Variants in PLD1 observed in about 807,000 individuals in gnomAD.
PLD1 encodes choline phosphatase 1.
Under a neutral mutation model 137.1 loss-of-function variants are expected in PLD1, and 112 were observed. That is an observed-to-expected ratio of 0.82 (90% CI 0.70 to 0.96). The LOEUF is 0.96. Among genes scored for constraint, PLD1 ranks in the 40% least tolerant of loss-of-function variants. The pLI is 0.00. For synonymous variants in PLD1, 431 were observed against 454.7 expected, an observed-to-expected ratio of 0.95 and a Z score of 0.66; for missense variants, 1,321 against 1,342.0, an observed-to-expected ratio of 0.98 and a Z score of 0.24.
intron 24 of PLD1, among the ~76,000 whole-genome samples, chr3:171,620,163 T>G (rs139646487): frequency 2.0e-5 from 3 of 152,324 alleles, no homozygotes; most frequent in Middle Eastern, 3.4e-3. Context: ...CAAAACATCG[T>G]ATGTACCCCA....
intron 1 of PLD1, among the ~76,000 whole-genome samples, chr3:171,805,456 T>C (rs1723807354): frequency 6.6e-6 from 1 of 152,120 alleles, no homozygotes; most frequent in South Asian, 2.1e-4. Flanking sequence ...TCTGGAAATA[T>C]TGCACATAAC....
In PLD1 at chr3:171,806,515, T is replaced by C. The variant is rs1309723116; in HGVS notation, c.-32+3884A>G. ...TTTTAGCCACACCCTAGCAAATACA[T>C]TTTATTTTGTGGTGCTAAGACTTAA... On this transcript the variant is annotated intron_variant, in intron 1 of 26. Coordinates refer to ENST00000351298, the MANE Select transcript of PLD1 (RefSeq NM_002662.5). Among the ~76,000 whole-genome samples, 3 of 152,350 alleles carry C rather than the reference T, an allele frequency of 2.0e-5. No individual in the cohort carries two copies. In the East Asian group the frequency reaches 5.8e-4, roughly 29 times the overall value.
intron 23 of PLD1, among the ~76,000 whole-genome samples, chr3:171,637,414 T>G (rs1260478136): frequency 1.3e-4 from 2 of 15,162 alleles, no homozygotes. Flanking sequence ...TTTTGCATTT[T>G]TAGTAGAGAT....
At chr3:171,757,043 A>G (rs1430646528) in intron 1 of PLD1, among the ~76,000 whole-genome samples, 2 of 152,236 alleles carry the variant, frequency 1.3e-5, no homozygotes, top group Admixed American at 1.3e-4. Flanking sequence ...CAGAAAAACC[A>G]GAGGCAAAAA....
chr3:171,627,640 A>C (rs57321059), intron 23 of PLD1, among the ~76,000 whole-genome samples: 12,000 of 152,116 alleles, frequency 0.079, 1,340 homozygotes, highest in African/African-American at 0.25. Context: ...TGTAAAAGAT[A>C]AGAAATTATA....
intron 1 of PLD1, among the ~76,000 whole-genome samples, chr3:171,785,442 T>A (rs1226963057): frequency 1.7e-4 from 1 of 5,942 alleles, no homozygotes; most frequent in South Asian, 3.1e-3. Context: ...CAGTGTCTAT[T>A]TTTTTTTTTT....
At chr3:171,711,326 A>G (rs1370919577) in intron 9 of PLD1, among the ~76,000 whole-genome samples, 1 of 151,168 alleles carries the variant, frequency 6.6e-6, no homozygotes, top group African/African-American at 2.4e-5. Context: ...GCGCACCATC[A>G]TGCCTGGCTA....
At chr3:171,717,420 A>G (rs537547317) in intron 8 of PLD1, among the ~76,000 whole-genome samples, 11 of 151,868 alleles carry the variant, frequency 7.2e-5, no homozygotes, top group African/African-American at 2.7e-4. Context: ...GAGATCTTTC[A>G]CCTCCCTAGT....
Position 171,709,689 on chromosome 3 carries a change from T to G in PLD1, c.932A>C (p.Asn311Thr). The change falls in exon 10 of 27, where the codon AAC becomes ACC. Residue 311 changes from asparagine to threonine, a missense_variant. By Grantham distance (65) the Asn-to-Thr change is moderately conservative. Transcript: ENST00000351298. Reference sequence around the variant, plus strand: ...CCACCACCGAGCATGTCTATAGCTGTTGCATTTTAAAATAAGTGTCCTTTA... The same window carrying G: ...CCACCACCGAGCATGTCTATAGCTGGTGCATTTTAAAATAAGTGTCCTTTA... ...NLSRTLILKC[N>T]SYRHARWWGG... 2 of 1,612,222 alleles carry G rather than the reference T, an allele frequency of 1.2e-6. No individual in the cohort carries two copies. The highest frequency in any genetic ancestry group is 1.7e-6 in the Non-Finnish European group (2 of 1,179,468).
intron 1 of PLD1, chr3:171,765,593 C>A (rs546668046): frequency 6.6e-6 from 1 of 152,114 alleles, no homozygotes; most frequent in Non-Finnish European, 1.5e-5. Context: ...TCAAAGGACC[C>A]CAAAAGCTTC....
chr3:171,713,232 G>T (rs571049257), intron 9 of PLD1, among the ~76,000 whole-genome samples: 2 of 152,352 alleles, frequency 1.3e-5, no homozygotes, highest in Admixed American at 6.5e-5. Flanking sequence ...GGCCGAGGCA[G>T]ACAGATCACT....
At chr3:171,640,864 T>G (rs1735674553) in intron 23 of PLD1, among the ~76,000 whole-genome samples, 1 of 152,234 alleles carries the variant, frequency 6.6e-6, no homozygotes, top group South Asian at 2.1e-4. Context: ...AGATTTTTAG[T>G]CAGCTTCTTG....
intron 1 of PLD1, among the ~76,000 whole-genome samples, chr3:171,788,090 C>T (rs1362980135): frequency 2.0e-5 from 3 of 151,590 alleles, no homozygotes; most frequent in African/African-American, 7.3e-5. Flanking sequence ...GCCTGTAATC[C>T]CAGCTGCTCC....
At position 171,674,500 on chromosome 3, in the gene PLD1, C is replaced by G. The variant is rs1174578304; in HGVS notation, c.2229G>C (p.Gln743His). The G allele has an allele frequency of 9.9e-6, 15 of 1,513,468 alleles. No homozygotes were observed. The highest frequency in any genetic ancestry group is 1.4e-5 in the Non-Finnish European group (15 of 1,098,262). The allele number at this position is 1,513,468 out of a possible 1,614,324, so 93.8% of individuals were successfully genotyped here. The change falls in exon 19 of 27, where the codon CAG (glutamine) becomes CAC (histidine). Residue 743 changes from glutamine (Q) to histidine (H), a missense_variant and splice_region_variant. Gln to His is a conservative substitution (Grantham distance 24). Coordinates refer to ENST00000351298, the MANE Select transcript of PLD1 (RefSeq NM_002662.5). ...AAAAGAAAAGCCAGAACTTACTTAC[C>G]TGTACGTTAGCATGGACAGACCCAG... Reference protein sequence around the residue: ...QVPGSVHANVQLLRSAADWSA... With the variant: ...QVPGSVHANVHLLRSAADWSA...
At chr3:171,630,824 C>T (rs1224675074) in intron 23 of PLD1, among the ~76,000 whole-genome samples, 3 of 131,346 alleles carry the variant, frequency 2.3e-5, no homozygotes, top group Admixed American at 9.7e-5. Flanking sequence ...TGAGAACACA[C>T]GGACACAGGA....
chr3:171,660,467 G>A (rs181876906), intron 20 of PLD1, among the ~76,000 whole-genome samples: 40 of 152,228 alleles, frequency 2.6e-4, no homozygotes, highest in East Asian at 9.6e-4. Flanking sequence ...TGGAAGAGTC[G>A]GATGAATGCT....
In PLD1 at chr3:171,687,632, C is replaced by T. The variant is rs546535810; in HGVS notation, c.1540-48G>A. The T allele has an allele frequency of 3.7e-5, 45 of 1,226,802 alleles. 1 individual carries two copies. In the South Asian group the frequency reaches 3.9e-4, roughly 11 times the overall value. The allele number at this position is 1,226,802 out of a possible 1,614,324, so 76.0% of individuals were successfully genotyped here. ...AAAAGACACTGCATAAGACATGCTGCAGTGTGGTTCTTTAATTCAAGTAGA... is the reference window on the plus strand; with the variant it reads ...AAAAGACACTGCATAAGACATGCTGTAGTGTGGTTCTTTAATTCAAGTAGA... On this transcript the variant is annotated intron_variant, in intron 14 of 26. Coordinates refer to ENST00000351298, the MANE Select transcript of PLD1 (RefSeq NM_002662.5).
chr3:171,756,246 C>T (rs902568050), intron 1 of PLD1, among the ~76,000 whole-genome samples: 2 of 152,304 alleles, frequency 1.3e-5, no homozygotes, highest in East Asian at 1.9e-4. Context: ...GCTAAAAAGT[C>T]TTCAGTAAAA....
chr3:171,627,297 C>T (rs907126967), intron 23 of PLD1, among the ~76,000 whole-genome samples: 1 of 151,974 alleles, frequency 6.6e-6, no homozygotes, highest in African/African-American at 2.4e-5. Context: ...ATCAATTCAA[C>T]AAGAAGAGCT....
Sources: allele counts gnomAD v4.1 joint callset (sites outside exome capture counted in the v4.1 genomes callset), GRCh38; gene constraint gnomAD v4.1.1; transcripts MANE v1.5; gene names NCBI Gene and HGNC (gene_info 2026-07-23, HGNC 2026-07-21).